Variants in LY96 observed in about 807,000 individuals in gnomAD.
LY96 encodes lymphocyte antigen 96, also known as myeloid differentiation protein-2.
In LY96, 18 loss-of-function variants were observed where a neutral mutation model predicts 18.9. That is an observed-to-expected ratio of 0.95 (90% CI 0.66 to 1.41). The LOEUF is 1.41. LY96 is among the 40% of genes most tolerant of loss of function. LY96 has a pLI of 0.00. For missense variants in LY96, 175 were observed against 182.4 expected (o/e 0.96, Z 0.23); for synonymous variants, 66 against 62.6 (o/e 1.06, Z -0.26).
At chr8:74,059,481 C>T in the LY96 span, among the ~76,000 whole-genome samples, 3 of 152,138 alleles carry the variant, frequency 2.0e-5, no homozygotes, top group Non-Finnish European at 4.4e-5. Context: ...TAAAACTGTA[C>T]TACTGACACA....
At chr8:74,065,032 C>T in the LY96 span, among the ~76,000 whole-genome samples, 20 of 152,250 alleles carry the variant, frequency 1.3e-4, no homozygotes, top group Admixed American at 7.8e-4. Context: ...GTGGTCCAAG[C>T]GAAACCTGAA....
the LY96 span, among the ~76,000 whole-genome samples, chr8:74,061,276 A>G: frequency 1.3e-5 from 2 of 152,194 alleles, no homozygotes; most frequent in African/African-American, 4.8e-5. Flanking sequence ...TATGAATGGG[A>G]TTAATGCCGT....
chr8:74,087,972 G>A, the LY96 span, among the ~76,000 whole-genome samples: 1,174 of 151,644 alleles, frequency 7.7e-3, 31 homozygotes, highest in Admixed American at 0.039. Context: ...TATCCTTCAA[G>A]GACAAATTCA....
chr8:74,076,975 G>T, the LY96 span, among the ~76,000 whole-genome samples: 1 of 152,140 alleles, frequency 6.6e-6, no homozygotes, highest in South Asian at 2.1e-4. Flanking sequence ...TTTAAATTGG[G>T]GGTTCCCATG....
chr8:74,019,458 C>T lies in LY96; in HGVS notation c.332-7331C>T, dbSNP rs1054143781. 3.3e-5 allele frequency among the ~76,000 whole-genome samples: 5 copies of T among 152,220 alleles called. No individual in the cohort carries two copies. In the South Asian group the frequency reaches 8.3e-4, roughly 25 times the overall value. Reference sequence around the variant, plus strand: ...CTACCAACCAAAAAAAGTCCAGGACCAGACAGATTCACAGCCAAATTCTAC... The same window carrying T: ...CTACCAACCAAAAAAAGTCCAGGACTAGACAGATTCACAGCCAAATTCTAC... On this transcript the variant is annotated intron_variant, in intron 3 of 4. Transcript: ENST00000284818.
chr8:74,060,949 A>C, the LY96 span, among the ~76,000 whole-genome samples: 2 of 152,220 alleles, frequency 1.3e-5, no homozygotes, highest in Non-Finnish European at 2.9e-5. Context: ...TCCCTATTCA[A>C]CAATGACAAA....
intron 4 of LY96, 51 bp from the exon 5 acceptor site, chr8:74,028,905 T>C (rs192589444): frequency 2.8e-6 from 3 of 1,071,304 alleles, no homozygotes; most frequent in Non-Finnish European, 4.3e-6. Flanking sequence ...GCCTCTGAAA[T>C]AGTAGCATCT....
At chr8:74,002,093 T>TTCTCTCTCTCTC (rs376445801) in intron 1 of LY96, among the ~76,000 whole-genome samples, 5 of 38,726 alleles carry the variant, frequency 1.3e-4, no homozygotes, top group African/African-American at 7.7e-4. Context: ...CTTTCTTTCT[T>TTCTCTCTCTCTC]TCTCTCTCTC....
At chr8:74,055,517 T>C in the LY96 span, among the ~76,000 whole-genome samples, 1 of 152,204 alleles carries the variant, frequency 6.6e-6, no homozygotes, top group Admixed American at 6.5e-5. Flanking sequence ...CAGGACATTA[T>C]GTGACACAAA....
the LY96 span, among the ~76,000 whole-genome samples, chr8:74,034,266 G>T: frequency 6.6e-6 from 1 of 152,076 alleles, no homozygotes; most frequent in Non-Finnish European, 1.5e-5. Flanking sequence ...CAGCTACTCG[G>T]GAGGCTGAGG....
At chr8:74,046,148 G>A in the LY96 span, among the ~76,000 whole-genome samples, 95 of 152,200 alleles carry the variant, frequency 6.2e-4, no homozygotes, top group African/African-American at 2.2e-3. Flanking sequence ...GTATGGTGGC[G>A]TGCACCTGTA....
the LY96 span, chr8:74,048,821 G>GAGAGAA: frequency 1.3e-5 from 2 of 149,748 alleles, no homozygotes; most frequent in African/African-American, 2.5e-5. Context: ...AAGAGAGAGA[G>GAGAGAA]AGAAAGAAAG....
chr8:74,036,061 C>G, the LY96 span, among the ~76,000 whole-genome samples: 4 of 152,162 alleles, frequency 2.6e-5, no homozygotes, highest in Non-Finnish European at 5.9e-5. Context: ...AATTGAGACT[C>G]GTCTCAGGGA....
chr8:73,996,397 C>T (rs1322558479), intron 1 of LY96, among the ~76,000 whole-genome samples: 7 of 41,936 alleles, frequency 1.7e-4, no homozygotes, highest in South Asian at 9.6e-4. Context: ...TTCTTTCTTT[C>T]TTTCTTTCTT....
chr8:74,086,408 C>T, the LY96 span, among the ~76,000 whole-genome samples: 28 of 152,342 alleles, frequency 1.8e-4, no homozygotes, highest in Admixed American at 1.2e-3. Context: ...GCATTCTTTG[C>T]TCATTGAAGA....
Position 74,017,934 on chromosome 8 carries a change from C to T in LY96, c.331+7805C>T, listed in dbSNP as rs190054849. Among the ~76,000 whole-genome samples, 32 of 152,276 alleles carry T rather than the reference C, an allele frequency of 2.1e-4. No individual in the cohort carries two copies. In the East Asian group the frequency reaches 4.2e-3, roughly 20 times the overall value. On this transcript the variant is annotated intron_variant, in intron 3 of 4. Coordinates refer to ENST00000284818, the MANE Select transcript of LY96 (RefSeq NM_015364.5). ...CATGGAAAGGAACAACTGGTACCAG[C>T]CACTGCAAAAATATGCCAAATTGTA...
At chr8:74,096,933 A>G in the LY96 span, among the ~76,000 whole-genome samples, 2 of 152,158 alleles carry the variant, frequency 1.3e-5, no homozygotes, top group African/African-American at 4.8e-5. Flanking sequence ...AGTTTCTGGG[A>G]GAGAGAAAAA....
At chr8:73,993,528 C>T (rs4738410) in intron 1 of LY96, among the ~76,000 whole-genome samples, 4,831 of 152,076 alleles carry the variant, frequency 0.032, 212 homozygotes, top group Admixed American at 0.12. Context: ...CTGCAACGAC[C>T]GCCTCCTGGG....
the LY96 span, among the ~76,000 whole-genome samples, chr8:74,079,329 A>C: frequency 0.31 from 46,792 of 152,132 alleles, 10,315 homozygotes; most frequent in African/African-American, 0.63. Flanking sequence ...ATGGACCAAA[A>C]TTTCATAATA....
Sources: allele counts gnomAD v4.1 joint callset (sites outside exome capture counted in the v4.1 genomes callset), GRCh38; gene constraint gnomAD v4.1.1; transcripts MANE v1.5; gene names NCBI Gene and HGNC (gene_info 2026-07-23, HGNC 2026-07-21).